Variants in UNC80 observed in about 807,000 individuals in gnomAD.
The protein encoded by UNC80 is unc-80 subunit of NALCN channel complex.
Under a neutral mutation model 384.6 loss-of-function variants are expected in UNC80, and 164 were observed. The observed-to-expected ratio is 0.43, with a 90% confidence interval of 0.38 to 0.49. The LOEUF is 0.49. UNC80 is among the 20% of genes least tolerant of loss of function. UNC80 has a pLI of 0.00. For synonymous variants in UNC80, 1,486 were observed against 1,527.8 expected, an observed-to-expected ratio of 0.97 and a Z score of 0.64; for missense variants, 3,330 against 4,143.0, an observed-to-expected ratio of 0.80 and a Z score of 5.39.
intron 23 of UNC80, among the ~76,000 whole-genome samples, chr2:209,876,587 G>A (rs2084806626): frequency 6.6e-6 from 1 of 152,120 alleles, no homozygotes; most frequent in African/African-American, 2.4e-5. Context: ...GGTCAATGTA[G>A]ATATTTTTCC....
chr2:209,862,129 G>A (rs371438307), intron 22 of UNC80, among the ~76,000 whole-genome samples: 1 of 151,956 alleles, frequency 6.6e-6, no homozygotes, highest in Admixed American at 6.6e-5. Flanking sequence ...GTGATGTTAG[G>A]GTGTCGATTT....
intron 10 of UNC80, 59 bp downstream of exon 10, chr2:209,817,184 C>A: frequency 1.4e-6 from 2 of 1,467,822 alleles, no homozygotes; most frequent in South Asian, 2.4e-5. Flanking sequence ...AGAACTGGAT[C>A]TAGGGCTTCT....
chr2:209,779,907 C>G (rs2077062879), intron 4 of UNC80, among the ~76,000 whole-genome samples: 5 of 152,296 alleles, frequency 3.3e-5, no homozygotes, highest in Admixed American at 3.3e-4. Flanking sequence ...GTTTTGGAAA[C>G]AGATAAGCCT....
chr2:209,914,629 A>G (rs1192493954), intron 31 of UNC80, among the ~76,000 whole-genome samples: 1 of 127,918 alleles, frequency 7.8e-6, no homozygotes, highest in Non-Finnish European at 1.5e-5. Context: ...TAAGTTTCTC[A>G]GGAATCCTTC....
At chr2:209,824,581 T>C (rs971591776) in intron 13 of UNC80, among the ~76,000 whole-genome samples, 2 of 152,066 alleles carry the variant, frequency 1.3e-5, no homozygotes, top group African/African-American at 4.8e-5. Flanking sequence ...GAGGCAGCTC[T>C]CTAGCTGTGG....
At chr2:209,863,481 A>G (rs1314188839) in intron 22 of UNC80, among the ~76,000 whole-genome samples, 1 of 151,960 alleles carries the variant, frequency 6.6e-6, no homozygotes, top group Non-Finnish European at 1.5e-5. Flanking sequence ...AGTCAATCGT[A>G]GGTTCAGTCT....
intron 8 of UNC80, among the ~76,000 whole-genome samples, chr2:209,814,557 G>T (rs1177963294): frequency 6.6e-6 from 1 of 152,130 alleles, no homozygotes; most frequent in Non-Finnish European, 1.5e-5. Flanking sequence ...ACATTTTCCA[G>T]TGTCTTAATG....
chr2:209,815,526 T>C (rs2079671390), intron 9 of UNC80, 135 bp downstream of exon 9: 3 of 868,036 alleles, frequency 3.5e-6, no homozygotes, highest in Non-Finnish European at 5.2e-6. Flanking sequence ...AGCTCCTAGA[T>C]GTGACACTGA....
At chr2:209,970,038 G>A (rs1279053470) in intron 53 of UNC80, 147 bp downstream of exon 53, 1 of 1,042,560 alleles carries the variant, frequency 9.6e-7, no homozygotes, top group Non-Finnish European at 1.4e-6. Context: ...AAAATAGTGA[G>A]GTACATTTCA....
In UNC80 at chr2:209,943,434, T is replaced by A. The variant is rs1464184610; in HGVS notation, c.6970T>A (p.Cys2324Ser). The change falls in exon 45 of 65, where the codon TGT becomes AGT. Residue 2324 changes from cysteine to serine, a missense_variant. Coordinates refer to ENST00000673920, the MANE Select transcript of UNC80 (RefSeq NM_001371986.1). ...PQLRQAIEFA[C>S]HQFYILHRKP... ...GCTGCGTCAAGCCATCGAATTTGCC[T>A]GTCACCAGTTCTATATTCTACACCG... 1.3e-6 allele frequency: 2 copies of A among 1,552,086 alleles called. No individual in the cohort carries two copies. The highest frequency in any genetic ancestry group is 1.7e-6 in the Non-Finnish European group (2 of 1,147,082).
At chr2:209,824,964 G>A (rs1417338054) in intron 13 of UNC80, among the ~76,000 whole-genome samples, 1 of 152,154 alleles carries the variant, frequency 6.6e-6, no homozygotes, top group Non-Finnish European at 1.5e-5. Flanking sequence ...TATGAAGTAG[G>A]AAGGGCAGCT....
Position 209,912,890 on chromosome 2 carries a change from C to T in UNC80, c.4890+223C>T, listed in dbSNP as rs370219027. Among the ~76,000 whole-genome samples the T allele has an allele frequency of 4.6e-5, 7 of 152,168 alleles. No homozygotes were observed. The East Asian group carries it at 1.4e-3, about 29-fold the overall frequency. ...CAGACAAGGCTTGGGAACTTCGGTTCGAACCACAGCTCTCCCCACTGTCTT... is the reference window on the plus strand; with the variant it reads ...CAGACAAGGCTTGGGAACTTCGGTTTGAACCACAGCTCTCCCCACTGTCTT... On this transcript the variant is annotated intron_variant, in intron 30 of 64. Coordinates refer to ENST00000673920, the MANE Select transcript of UNC80 (RefSeq NM_001371986.1).
chr2:209,883,749 A>C (rs1423678272), intron 25 of UNC80, among the ~76,000 whole-genome samples: 1 of 152,046 alleles, frequency 6.6e-6, no homozygotes, highest in East Asian at 1.9e-4. Context: ...CTTTGATTCT[A>C]TAAATTTGAC....
chr2:209,884,012 TC>T (rs34407583), intron 25 of UNC80, among the ~76,000 whole-genome samples: 2 of 152,056 alleles, frequency 1.3e-5, no homozygotes, highest in African/African-American at 4.8e-5. Flanking sequence ...TTAGTGTGCT[TC>T]CCCCCCTCCC....
chr2:209,833,111 C>T (rs1237379326), intron 16 of UNC80, among the ~76,000 whole-genome samples: 1 of 152,090 alleles, frequency 6.6e-6, no homozygotes, highest in Non-Finnish European at 1.5e-5. Flanking sequence ...CCCACAGAAC[C>T]CAAAGCGTTC....
intron 59 of UNC80, among the ~76,000 whole-genome samples, chr2:209,979,298 A>G (rs542667683): frequency 7.5e-5 from 11 of 146,884 alleles, no homozygotes; most frequent in African/African-American, 1.5e-4. Context: ...TTAAACCTAT[A>G]TAGTCAACTT....
chr2:209,807,622 C>A (rs897338641), intron 7 of UNC80, among the ~76,000 whole-genome samples: 1 of 151,974 alleles, frequency 6.6e-6, no homozygotes, highest in Non-Finnish European at 1.5e-5. Context: ...CTCAGCCTCC[C>A]AAAGTGCTCA....
Position 209,894,219 on chromosome 2 carries a change from C to G in UNC80, c.4333C>G (p.Arg1445Gly). 3.0e-6 allele frequency: 3 copies of G among 985,346 alleles called. No homozygotes were observed. The highest frequency in any genetic ancestry group is 3.6e-6 in the Non-Finnish European group (3 of 829,918). The allele number at this position is 985,346 out of a possible 1,614,324, so 61.0% of individuals were successfully genotyped here. A position where few individuals can be genotyped will look rare whatever the true frequency, so the allele number is the denominator to read the frequency against. Reference sequence around the variant, plus strand: ...TCGCCTGCTCCAGATTAAAGGAACCCGCAGTTTCCAGGTGAAGAAGGGGGG... The same window carrying G: ...TCGCCTGCTCCAGATTAAAGGAACCGGCAGTTTCCAGGTGAAGAAGGGGGG... ...GSRLLQIKGT[R>G]SFQVKKGGSL... Residue 1445 changes from arginine to glycine, a missense_variant, in exon 27 of 65, where the codon CGC becomes GGC. By Grantham distance (125) the Arg-to-Gly change is moderately radical (BLOSUM62 -2). Around this residue, in one of 8 missense-constraint regions of UNC80, gnomAD observed 801 missense variants for 950.8 expected, o/e 0.84. Coordinates refer to ENST00000673920, the MANE Select transcript of UNC80 (RefSeq NM_001371986.1).
chr2:209,809,503 G>A (rs2079177464), intron 7 of UNC80: 1 of 1,191,050 alleles, frequency 8.4e-7, no homozygotes, highest in Non-Finnish European at 1.3e-6. Flanking sequence ...CCAGTGCCAG[G>A]CGTGCGCTCG....
Sources: allele counts gnomAD v4.1 joint callset (sites outside exome capture counted in the v4.1 genomes callset), GRCh38; gene constraint gnomAD v4.1.1; regional missense constraint gnomAD v4.1.1; transcripts MANE v1.5; gene names NCBI Gene and HGNC (gene_info 2026-07-23, HGNC 2026-07-21).